The following DCC variants were observed in gnomAD, a reference collection of about 807,000 sequenced individuals.
The protein encoded by DCC is DCC netrin 1 receptor, also known as netrin receptor DCC.
Under a neutral mutation model 172.5 loss-of-function variants are expected in DCC, and 58 were observed. The observed-to-expected ratio is 0.34, with a 90% CI of 0.27 to 0.42. The LOEUF (loss-of-function observed/expected upper bound fraction) is 0.42, where lower values mean the gene tolerates loss of function less well. Among genes scored for constraint, DCC ranks in the 10% least tolerant of loss-of-function variants. The pLI is 1.00. For missense variants in DCC, 1,740 were observed against 1,791.0 expected (o/e 0.97, Z 0.51); for synonymous variants, 709 against 644.5 (o/e 1.10, Z -1.52).
rs954188527 is a variant in DCC at position 53,416,376 on chromosome 18, A to C, written c.3163+220A>C. The stretch of plus-strand genomic sequence containing the variant: ...CTTGAGAGGAAATTGTTTTGTCTCC[A>C]TTCTGAAGGACCAATTAAAATGTCA... On this transcript the variant is annotated intron_variant, in intron 21 of 28. Coordinates refer to ENST00000442544, the MANE Select transcript of DCC (RefSeq NM_005215.4). 4.4e-6 allele frequency: 3 copies of C among 689,414 alleles called. No individual in the cohort carries two copies. The Admixed American group carries it at 6.1e-5, about 14-fold the overall frequency. 42.7% of individuals were successfully genotyped at this position (689,414 alleles called of 1,614,324 possible).
chr18:52,800,015 T>G (rs983409452), intron 2 of DCC, among the ~76,000 whole-genome samples: 2 of 152,136 alleles, frequency 1.3e-5, no homozygotes, highest in Admixed American at 6.6e-5. Flanking sequence ...TTTTAAGACG[T>G]AGTAGTTGTC....
At chr18:52,398,959 G>A (rs1023635198) in intron 1 of DCC, among the ~76,000 whole-genome samples, 3 of 151,700 alleles carry the variant, frequency 2.0e-5, no homozygotes, top group Non-Finnish European at 4.4e-5. Flanking sequence ...AAAACCTATG[G>A]AAATAAATAA....
chr18:53,314,337 C>T (rs976208391), intron 13 of DCC, among the ~76,000 whole-genome samples: 5 of 152,158 alleles, frequency 3.3e-5, no homozygotes, highest in Admixed American at 6.5e-5. Context: ...AAAAAGTTAC[C>T]GAATTTAGAA....
At chr18:52,890,899 T>C (rs1598903077) in intron 2 of DCC, among the ~76,000 whole-genome samples, 1 of 152,098 alleles carries the variant, frequency 6.6e-6, no homozygotes, top group South Asian at 2.1e-4. Context: ...AAATTTAACA[T>C]AAATTCAGCT....
At chr18:52,864,413 G>T (rs949319780) in intron 2 of DCC, among the ~76,000 whole-genome samples, 1 of 152,146 alleles carries the variant, frequency 6.6e-6, no homozygotes, top group Admixed American at 6.5e-5. Context: ...AGAAAGTTCA[G>T]AAACCTTCAC....
intron 14 of DCC, among the ~76,000 whole-genome samples, chr18:53,325,185 A>G (rs1311593513): frequency 1.4e-5 from 2 of 139,236 alleles, no homozygotes; most frequent in Non-Finnish European, 1.6e-5. Context: ...AGAGCAAGCA[A>G]GACTCCATCT....
At chr18:53,316,797 G>T (rs1384040886) in intron 13 of DCC, among the ~76,000 whole-genome samples, 1 of 152,176 alleles carries the variant, frequency 6.6e-6, no homozygotes, top group African/African-American at 2.4e-5. Flanking sequence ...CATTGATTTT[G>T]TATCCTGAGA....
chr18:52,585,030 C>A (rs963501378), intron 1 of DCC, among the ~76,000 whole-genome samples: 1 of 152,128 alleles, frequency 6.6e-6, no homozygotes, highest in South Asian at 2.1e-4. Context: ...GAGAATGTCT[C>A]GAGTAGCTAA....
intron 12 of DCC, among the ~76,000 whole-genome samples, chr18:53,261,225 G>A (rs1187935429): frequency 6.6e-6 from 1 of 152,142 alleles, no homozygotes; most frequent in Admixed American, 6.5e-5. Context: ...CCCACTGCCT[G>A]ACACTCCCCA....
intron 5 of DCC, among the ~76,000 whole-genome samples, chr18:53,029,570 T>C (rs2042000075): frequency 6.6e-6 from 1 of 151,806 alleles, no homozygotes; most frequent in Non-Finnish European, 1.5e-5. Context: ...TATATTCCAG[T>C]TGCTGTCACT....
At chr18:52,375,602 C>T (rs1985314826) in intron 1 of DCC, among the ~76,000 whole-genome samples, 1 of 152,186 alleles carries the variant, frequency 6.6e-6, no homozygotes, top group Admixed American at 6.5e-5. Flanking sequence ...CTTGAACCTT[C>T]ATTTGACATT....
chr18:52,450,000 C>T (rs1365609990), intron 1 of DCC, among the ~76,000 whole-genome samples: 1 of 152,142 alleles, frequency 6.6e-6, no homozygotes, highest in African/African-American at 2.4e-5. Context: ...CAGACTAATA[C>T]ATACTCTGAT....
intron 1 of DCC, among the ~76,000 whole-genome samples, chr18:52,351,041 C>G (rs376114788): frequency 3.3e-5 from 5 of 152,124 alleles, no homozygotes; most frequent in Non-Finnish European, 5.9e-5. Flanking sequence ...AAAGAAAATA[C>G]TGTAGGAAAG....
chr18:52,688,235 G>C (rs2035873192), intron 1 of DCC, among the ~76,000 whole-genome samples: 1 of 150,646 alleles, frequency 6.6e-6, no homozygotes, highest in Non-Finnish European at 1.5e-5. Flanking sequence ...TAGATGTGCT[G>C]TAGGCACAGC....
chr18:52,927,130 TATATAC>T lies in DCC; in HGVS notation c.985+1761_985+1766del, dbSNP rs1292546391. On this transcript the variant is annotated intron_variant, in intron 5 of 28. Coordinates refer to ENST00000442544, the MANE Select transcript of DCC (RefSeq NM_005215.4). ...ACACGTATATACGTGTATATACACG[TATATAC>T]GTGTATATATGTGTATATATACGTA... Among the ~76,000 whole-genome samples, 27 of 91,660 alleles carry T rather than the reference TATATAC, an allele frequency of 2.9e-4. 3 individuals carry two copies. Among genetic ancestry groups the T allele is most frequent in the South Asian group, 5.9e-4 (2 of 3,382 alleles). The allele number at this position is 91,660 out of a possible 152,430, so 60.1% of individuals were successfully genotyped here. A position where few individuals can be genotyped will look rare whatever the true frequency, so the allele number is the denominator to read the frequency against.
At chr18:53,214,139 A>G (rs1464268638) in intron 11 of DCC, among the ~76,000 whole-genome samples, 1 of 152,088 alleles carries the variant, frequency 6.6e-6, no homozygotes, top group Non-Finnish European at 1.5e-5. Context: ...ATTAAATAAC[A>G]TTTTATAAAT....
chr18:52,864,695 C>T (rs2039193068), intron 2 of DCC, among the ~76,000 whole-genome samples: 1 of 151,920 alleles, frequency 6.6e-6, no homozygotes, highest in South Asian at 2.1e-4. Context: ...CCCCAATCCC[C>T]CCAACAGGCC....
intron 1 of DCC, among the ~76,000 whole-genome samples, chr18:52,399,136 G>A (rs1349053637): frequency 6.6e-6 from 1 of 151,854 alleles, no homozygotes; most frequent in Non-Finnish European, 1.5e-5. Flanking sequence ...ACAAAAACAA[G>A]CATCTTTCAT....
At chr18:53,108,980 T>C (rs1598810440) in intron 7 of DCC, among the ~76,000 whole-genome samples, 1 of 151,022 alleles carries the variant, frequency 6.6e-6, no homozygotes, top group Middle Eastern at 3.4e-3. Context: ...TTAGATAATG[T>C]CCATCTAGTT....
Sources: allele counts gnomAD v4.1 joint callset (sites outside exome capture counted in the v4.1 genomes callset), GRCh38; gene constraint gnomAD v4.1.1; transcripts MANE v1.5; gene names NCBI Gene and HGNC (gene_info 2026-07-23, HGNC 2026-07-21).